SLC6A9: variants seen among roughly 807,000 people sequenced by gnomAD.
The protein encoded by SLC6A9 is solute carrier family 6 member 9, also known as sodium- and chloride-dependent glycine transporter 1.
Under a neutral mutation model 70.9 loss-of-function variants are expected in SLC6A9, and 31 were observed. That is an observed-to-expected ratio of 0.44 (90% CI 0.33 to 0.59). SLC6A9 has a LOEUF of 0.59. Ranked by LOEUF, SLC6A9 falls within the 20% of genes least tolerant of loss-of-function variation. The pLI is 0.04. For missense variants in SLC6A9, 631 were observed against 845.2 expected (o/e 0.75, Z 3.14); for synonymous variants, 310 against 341.3 (o/e 0.91, Z 1.01).
At chr1:44,023,107 CTT>C (rs1174676586) in intron 2 of SLC6A9, among the ~76,000 whole-genome samples, 2 of 152,138 alleles carry the variant, frequency 1.3e-5, no homozygotes, top group Admixed American at 1.3e-4. Flanking sequence ...GCCAATGACT[CTT>C]TCACTAAATG....
Position 44,015,877 on chromosome 1 carries a change from G to A in SLC6A9, c.31-4995C>T, listed in dbSNP as rs181418565. The A allele has an allele frequency of 9.2e-5, 91 of 985,410 alleles. No homozygotes were observed. The Middle Eastern group carries it at 2.6e-3, about 28-fold the overall frequency. The allele number at this position is 985,410 out of a possible 1,614,324, so 61.0% of individuals were successfully genotyped here. On this transcript the variant is annotated intron_variant, in intron 2 of 13. Transcript: ENST00000372310. ...AACATGGGAAAATCTCCCCCGGGCCGAGCAGCCCCCAGTGGCCATTCATGC... is the reference window on the plus strand; with the variant it reads ...AACATGGGAAAATCTCCCCCGGGCCAAGCAGCCCCCAGTGGCCATTCATGC...
chr1:44,030,180 C>T (rs1037837640), intron 1 of SLC6A9, among the ~76,000 whole-genome samples: 3 of 152,230 alleles, frequency 2.0e-5, no homozygotes, highest in Non-Finnish European at 1.5e-5. Flanking sequence ...GGAGCAGCGG[C>T]ACCGCCCGCA....
At chr1:44,017,165 A>C (rs201109602) in intron 2 of SLC6A9, 62 of 1,601,086 alleles carry the variant, frequency 3.9e-5, no homozygotes, top group Non-Finnish European at 5.2e-5. Context: ...CGCGACACTG[A>C]CGCATCCCCT....
chr1:44,006,385 C>T (rs1247977551), intron 5 of SLC6A9, among the ~76,000 whole-genome samples: 2 of 151,844 alleles, frequency 1.3e-5, no homozygotes, highest in East Asian at 1.9e-4. Context: ...GTCAGGAGTT[C>T]GAGACCAGCC....
In SLC6A9 at chr1:43,997,771, G is replaced by A; in HGVS notation, c.1708-32C>T. The A allele has an allele frequency of 1.3e-6, 2 of 1,593,986 alleles. No individual in the cohort carries two copies. The highest frequency in any genetic ancestry group is 1.7e-6 in the Non-Finnish European group (2 of 1,168,752). ...GAGGTAGGCATGGGGCACAGGGGCA[G>A]GGCACGTCAGGAGGGAGCCCTTAAG... On this transcript the variant is annotated intron_variant, in intron 13 of 13. Coordinates refer to ENST00000372310, the MANE Select transcript of SLC6A9 (RefSeq NM_001024845.3). The surrounding 1 kb of genome is among the most constrained non-coding windows in gnomAD (Gnocchi z 4.4).
intron 2 of SLC6A9, among the ~76,000 whole-genome samples, chr1:44,021,139 A>AG (rs921502401): frequency 6.6e-6 from 1 of 152,142 alleles, no homozygotes; most frequent in Non-Finnish European, 1.5e-5. Context: ...CCTCTCCTCC[A>AG]GCCCCTTGTC....
intron 2 of SLC6A9, among the ~76,000 whole-genome samples, chr1:44,021,625 C>T (rs377126426): frequency 9.2e-5 from 14 of 152,328 alleles, no homozygotes; most frequent in Admixed American, 7.2e-4. Context: ...GCAGAAGCCA[C>T]GGAGAACTGG....
intron 2 of SLC6A9, chr1:44,011,570 G>A (rs2086571881): frequency 6.2e-7 from 1 of 1,613,892 alleles, no homozygotes; most frequent in Admixed American, 1.7e-5. Flanking sequence ...CCTGGGCCAT[G>A]GCTAGGGAGT....
rs2085864858 is a variant in SLC6A9 at position 43,996,519 on chromosome 1, G to T, written c.*1026C>A. On this transcript the variant is annotated 3_prime_UTR_variant, in exon 14 of 14. Transcript: ENST00000372310. ...AATAGAAATTTCATTAAAATCTATG[G>T]ACTTTAAAATCCTAGTGGTGCACAA... The T allele has an allele frequency of 7.7e-6, 2 of 259,944 alleles. No individual in the cohort carries two copies. Among genetic ancestry groups the T allele is most frequent in the East Asian group, 1.6e-4 (2 of 12,228 alleles). The allele number at this position is 259,944 out of a possible 1,614,324, so 16.1% of individuals were successfully genotyped here.
intron 4 of SLC6A9, among the ~76,000 whole-genome samples, chr1:44,008,912 G>T (rs1204739569): frequency 6.6e-6 from 1 of 151,686 alleles, no homozygotes; most frequent in South Asian, 2.1e-4. Flanking sequence ...AGTAGAGACG[G>T]GGTTTCACTG....
intron 2 of SLC6A9, 60 bp downstream of exon 2, chr1:44,024,188 G>A (rs372331038): frequency 2.9e-4 from 444 of 1,549,692 alleles, no homozygotes; most frequent in Non-Finnish European, 3.7e-4. Context: ...GCTGGCAGGA[G>A]GTCCTGGGGG....
chr1:44,022,545 T>A (rs1351307933), intron 2 of SLC6A9, among the ~76,000 whole-genome samples: 1 of 151,916 alleles, frequency 6.6e-6, no homozygotes, highest in African/African-American at 2.4e-5. Context: ...TCAGACTTGC[T>A]CCAATCAGTC....
At chr1:44,019,558 G>A (rs1282514964) in intron 2 of SLC6A9, among the ~76,000 whole-genome samples, 3 of 152,288 alleles carry the variant, frequency 2.0e-5, no homozygotes, top group African/African-American at 2.4e-5. Context: ...CACTTGCACC[G>A]AGGGTGGGCT....
intron 8 of SLC6A9, 78 bp from the exon 9 acceptor site, chr1:44,001,705 C>T: frequency 8.7e-7 from 1 of 1,152,100 alleles, no homozygotes; most frequent in South Asian, 1.4e-5. Flanking sequence ...ACGGAAAGTT[C>T]TAGGTACAAA....
At chr1:44,012,254 C>T (rs1002530097) in intron 2 of SLC6A9, among the ~76,000 whole-genome samples, 4 of 152,340 alleles carry the variant, frequency 2.6e-5, no homozygotes, top group East Asian at 3.9e-4. Context: ...CAAACACAGA[C>T]GGAATGAATG....
In SLC6A9 at chr1:44,017,115, G is replaced by A. The variant is rs751795427; in HGVS notation, c.31-6233C>T. 26 of 1,606,084 alleles carry A rather than the reference G, an allele frequency of 1.6e-5. No homozygotes were observed. Among genetic ancestry groups the A allele is most frequent in the Middle Eastern group, 1.7e-4 (1 of 6,058 alleles). On this transcript the variant is annotated intron_variant, in intron 2 of 13. Coordinates refer to ENST00000372310, the MANE Select transcript of SLC6A9 (RefSeq NM_001024845.3). ...ATCCTGGGGCGAGCGATCGCAGCCC[G>A]CGTGTCTCCGCCGCTCATTCACACC... is the stretch of plus-strand genomic sequence containing the variant.
At chr1:44,022,378 A>C (rs1170218076) in intron 2 of SLC6A9, among the ~76,000 whole-genome samples, 6 of 152,198 alleles carry the variant, frequency 3.9e-5, no homozygotes, top group Non-Finnish European at 1.5e-5. Flanking sequence ...AGCCCATGGC[A>C]ATTCCAAGAC....
At chr1:44,011,592 A>C (rs1255920528) in intron 2 of SLC6A9, 1 of 1,613,846 alleles carries the variant, frequency 6.2e-7, no homozygotes, top group East Asian at 2.2e-5. Context: ...CTGGGCCATG[A>C]GTTGGGGAAG....
At position 43,997,878 on chromosome 1, in the gene SLC6A9, T is replaced by C. The variant is rs200502398; in HGVS notation, c.1684A>G (p.Thr562Ala). Residue 562 changes from threonine (T) to alanine (A), a missense_variant, in exon 13 of 14, where the codon ACA (threonine) becomes GCA (alanine). Physicochemically the swap from Thr to Ala is moderately conservative, Grantham distance 58 (BLOSUM62 0). Transcript: ENST00000372310. This position sits in a 1 kb window ranked among gnomAD's most constrained non-coding sequence, Gnocchi z 4.4. The part of the protein sequence containing the change: ...PLYAMFRLCR[T>A]DGDTLLQRLK... ...ACCTGGAGGAGGGTGTCCCCGTCTG[T>C]GCGGCAGAGCCGGAACATGGCGTAG... is the stretch of plus-strand genomic sequence containing the variant. 3 of 1,613,014 alleles carry C rather than the reference T, an allele frequency of 1.9e-6. No individual in the cohort carries two copies. The African/African-American group carries it at 4.0e-5, about 22-fold the overall frequency.
Sources: allele counts gnomAD v4.1 joint callset (sites outside exome capture counted in the v4.1 genomes callset), GRCh38; gene constraint gnomAD v4.1.1; non-coding constraint Gnocchi (gnomAD v3.1); transcripts MANE v1.5; gene names NCBI Gene and HGNC (gene_info 2026-07-23, HGNC 2026-07-21).